The following OPCML variants were observed in gnomAD, a reference collection of about 807,000 sequenced individuals.
OPCML encodes the protein opioid-binding protein/cell adhesion molecule.
In OPCML, 13 loss-of-function variants were observed where a neutral mutation model predicts 37.8. The ratio of observed to expected loss-of-function variants is 0.34; its 90% CI spans 0.22 to 0.55. The LOEUF (loss-of-function observed/expected upper bound fraction) is 0.55. Among genes scored for constraint, OPCML ranks in the 20% least tolerant of loss-of-function variants. The pLI is 0.91. For missense variants in OPCML, 341 were observed against 435.6 expected, an observed-to-expected ratio of 0.78 and a Z score of 1.93; for synonymous variants, 176 against 168.8, an observed-to-expected ratio of 1.04 and a Z score of -0.33.
At chr11:132,625,041 C>T (rs906245767) in intron 3 of OPCML, among the ~76,000 whole-genome samples, 1 of 152,050 alleles carries the variant, frequency 6.6e-6, no homozygotes. Flanking sequence ...CTCTTGTTCC[C>T]CCCAAAATAA....
At chr11:132,599,200 C>T (rs375504161) in intron 3 of OPCML, among the ~76,000 whole-genome samples, 1 of 152,054 alleles carries the variant, frequency 6.6e-6, no homozygotes, top group African/African-American at 2.4e-5. Context: ...GGAGGAGAAT[C>T]GCTTGAACCC....
chr11:133,317,073 C>T (rs1382708383), intron 1 of OPCML, among the ~76,000 whole-genome samples: 1 of 152,208 alleles, frequency 6.6e-6, no homozygotes, highest in African/African-American at 2.4e-5. Context: ...TGGCGAATGC[C>T]TGTAGTCCCA....
intron 3 of OPCML, among the ~76,000 whole-genome samples, chr11:132,563,795 G>A (rs7947639): frequency 0.38 from 54,193 of 141,454 alleles, 10,539 homozygotes; most frequent in Non-Finnish European, 0.46. Flanking sequence ...AAAAAACAAC[G>A]AAAACAACAA....
At chr11:132,848,204 A>G (rs56195012) in intron 2 of OPCML, among the ~76,000 whole-genome samples, 24,365 of 152,232 alleles carry the variant, frequency 0.16, 2,042 homozygotes, top group South Asian at 0.23. Flanking sequence ...GAATCCAGGT[A>G]TCCCATGAGA....
At chr11:132,821,034 G>C (rs1264199679) in intron 2 of OPCML, among the ~76,000 whole-genome samples, 1 of 152,152 alleles carries the variant, frequency 6.6e-6, no homozygotes, top group Non-Finnish European at 1.5e-5. Context: ...AGAGTCCTTG[G>C]GTGATGGAAC....
At chr11:133,502,358 G>A (rs570250237) in intron 1 of OPCML, among the ~76,000 whole-genome samples, 7 of 152,330 alleles carry the variant, frequency 4.6e-5, no homozygotes, top group South Asian at 2.1e-4. Flanking sequence ...GCCAGTGGCC[G>A]AGGCAGGGTG....
At chr11:133,167,501 G>A (rs1950225236) in intron 1 of OPCML, among the ~76,000 whole-genome samples, 1 of 150,986 alleles carries the variant, frequency 6.6e-6, no homozygotes, top group Non-Finnish European at 1.5e-5. Flanking sequence ...ATGTCTCTGG[G>A]AGTTTCTTGT....
At chr11:132,841,513 G>A (rs1045905376) in intron 2 of OPCML, among the ~76,000 whole-genome samples, 10 of 152,086 alleles carry the variant, frequency 6.6e-5, no homozygotes, top group African/African-American at 2.4e-4. Flanking sequence ...GCTAGGGGAG[G>A]AAGAAAAGTG....
intron 1 of OPCML, among the ~76,000 whole-genome samples, chr11:133,333,347 A>G (rs762651065): frequency 4.6e-5 from 7 of 151,882 alleles, no homozygotes; most frequent in Non-Finnish European, 1.0e-4. Flanking sequence ...GCATAACACA[A>G]CCATCTGATT....
At chr11:133,133,846 C>CG (rs969159565) in intron 1 of OPCML, among the ~76,000 whole-genome samples, 8 of 151,976 alleles carry the variant, frequency 5.3e-5, no homozygotes, top group South Asian at 2.1e-4. Flanking sequence ...CTCATTCATT[C>CG]GGGGGGGAAA....
At position 132,739,975 on chromosome 11, in the gene OPCML, A is replaced by G. The variant is rs1185459152; in HGVS notation, c.147-82656T>C. On this transcript the variant is annotated intron_variant, in intron 2 of 7. Coordinates refer to ENST00000524381, the MANE Select transcript of OPCML (RefSeq NM_001012393.5). ...ACAATCTTAAAAAAAGGCAGGTGTT[A>G]TTTGATTTGTGTCTATCTGTTTCCC... 2.6e-5 allele frequency among the ~76,000 whole-genome samples: 4 copies of G among 152,262 alleles called. No individual in the cohort carries two copies. In the East Asian group the frequency reaches 7.7e-4, roughly 29 times the overall value.
At chr11:132,789,494 CA>C (rs1260391866) in intron 2 of OPCML, among the ~76,000 whole-genome samples, 26 of 152,152 alleles carry the variant, frequency 1.7e-4, no homozygotes, top group African/African-American at 5.8e-4. Context: ...TTCATTTAGA[CA>C]AAAGATGAAA....
chr11:132,633,202 GCT>G (rs905697656), intron 3 of OPCML, among the ~76,000 whole-genome samples: 1 of 152,076 alleles, frequency 6.6e-6, no homozygotes, highest in African/African-American at 2.4e-5. Context: ...ACAATCGGTA[GCT>G]CTCTCTCTTT....
chr11:133,004,080 G>A, intron 1 of OPCML: 1 of 985,408 alleles, frequency 1.0e-6, no homozygotes, highest in Non-Finnish European at 1.2e-6. Flanking sequence ...AAGAGCAGGG[G>A]CTGGCAGCTG....
intron 3 of OPCML, among the ~76,000 whole-genome samples, chr11:132,609,096 T>A (rs1938480114): frequency 6.6e-6 from 1 of 151,826 alleles, no homozygotes; most frequent in Admixed American, 6.6e-5. Flanking sequence ...AACTGACCCA[T>A]CACTTCTTTA....
chr11:133,037,363 C>G (rs948678612), intron 1 of OPCML, among the ~76,000 whole-genome samples: 6 of 152,142 alleles, frequency 3.9e-5, no homozygotes, highest in African/African-American at 1.4e-4. Context: ...GTACTGAGCT[C>G]TCTGTTACTG....
At chr11:132,834,988 T>TAA (rs11300115) in intron 2 of OPCML, among the ~76,000 whole-genome samples, 20 of 142,966 alleles carry the variant, frequency 1.4e-4, no homozygotes, top group South Asian at 4.5e-4. Flanking sequence ...TGGCACTTTG[T>TAA]AAAAAAAAAA....
chr11:132,951,109 G>A (rs969690244), intron 1 of OPCML, among the ~76,000 whole-genome samples: 3 of 152,160 alleles, frequency 2.0e-5, no homozygotes, highest in Non-Finnish European at 4.4e-5. Context: ...AGCTCACTCT[G>A]TGGGACTTTA....
chr11:132,900,217 T>A (rs1944001434), intron 2 of OPCML, among the ~76,000 whole-genome samples: 1 of 152,190 alleles, frequency 6.6e-6, no homozygotes, highest in South Asian at 2.1e-4. Flanking sequence ...AATGGGGTCT[T>A]ATTTCTGTAC....
Sources: gnomAD v4.1 joint callset for allele counts (sites outside exome capture counted in the v4.1 genomes callset) on GRCh38, gnomAD v4.1.1 for gene constraint, MANE v1.5 for transcripts, NCBI Gene and HGNC (gene_info 2026-07-23, HGNC 2026-07-21) for gene names.